The following MAP3K19 variants were observed in gnomAD, a reference collection of about 807,000 sequenced individuals.
The protein encoded by MAP3K19 is SPS1/STE20-related protein kinase YSK4.
MAP3K19 carries 91 observed loss-of-function variants against 114.4 expected under a neutral mutation model. The ratio of observed to expected loss-of-function variants is 0.80; its 90% CI spans 0.67 to 0.95. MAP3K19 has a LOEUF of 0.95. Ranked by LOEUF, MAP3K19 falls within the 40% of genes least tolerant of loss-of-function variation. The pLI, the probability that MAP3K19 is intolerant of heterozygous loss-of-function variation, is 0.00. For missense variants in MAP3K19, 1,471 were observed against 1,573.2 expected (o/e 0.94, Z 1.10); for synonymous variants, 518 against 530.5 (o/e 0.98, Z 0.32).
At chr2:134,977,164 C>T (rs1209940989) in intron 12 of MAP3K19, among the ~76,000 whole-genome samples, 3 of 150,476 alleles carry the variant, frequency 2.0e-5, no homozygotes, top group Non-Finnish European at 4.4e-5. Context: ...CCATTTCTAG[C>T]TACCACCGCT....
At chr2:134,973,017 T>A (rs1447326253) in intron 12 of MAP3K19, among the ~76,000 whole-genome samples, 1 of 152,242 alleles carries the variant, frequency 6.6e-6, no homozygotes, top group Non-Finnish European at 1.5e-5. Flanking sequence ...TTTTGATTTT[T>A]AAAAATTTGT....
intron 5 of MAP3K19, among the ~76,000 whole-genome samples, chr2:135,021,497 C>CAT (rs1446412219): frequency 2.2e-4 from 34 of 151,762 alleles, no homozygotes; most frequent in African/African-American, 7.5e-4. Context: ...CACACACACA[C>CAT]GTGTACACAC....
In MAP3K19 at chr2:134,977,356, A is replaced by ATTTT. The variant is rs774277347; in HGVS notation, c.3920+3461_3920+3464dup. Among the ~76,000 whole-genome samples, 795 of 86,822 alleles carry ATTTT rather than the reference A, an allele frequency of 9.2e-3. 38 individuals carry two copies. The highest frequency in any genetic ancestry group is 0.031 in the African/African-American group (620 of 20,118). 57.0% of individuals were successfully genotyped at this position (86,822 alleles called of 152,430 possible). A position where few individuals can be genotyped will look rare whatever the true frequency, so the allele number is the denominator to read the frequency against. ...ACAACCATGACTTGCTAATTTTTAA[A>ATTTT]TTTTTTTTTTTTTTTTTTTTTTTTG... On this transcript the variant is annotated intron_variant, in intron 12 of 12. Transcript: ENST00000392915.
chr2:134,980,697 A>G, intron 12 of MAP3K19, 124 bp downstream of exon 12: 1 of 824,540 alleles, frequency 1.2e-6, no homozygotes, highest in South Asian at 1.8e-5. Flanking sequence ...TCGGCACAAA[A>G]TCACTGTCTA....
chr2:135,028,595 T>C (rs1193238319), intron 3 of MAP3K19, among the ~76,000 whole-genome samples: 1 of 152,052 alleles, frequency 6.6e-6, no homozygotes, highest in Non-Finnish European at 1.5e-5. Context: ...ACAACTAACT[T>C]ACCTGTATTT....
At chr2:134,984,704 G>A (rs1328132893) in intron 10 of MAP3K19, among the ~76,000 whole-genome samples, 1 of 152,178 alleles carries the variant, frequency 6.6e-6, no homozygotes, top group African/African-American at 2.4e-5. Flanking sequence ...TGTAATCCCA[G>A]CACTTTGGGA....
intron 6 of MAP3K19, among the ~76,000 whole-genome samples, chr2:135,001,890 T>C (rs1462454789): frequency 6.6e-6 from 1 of 152,216 alleles, no homozygotes; most frequent in African/African-American, 2.4e-5. Context: ...ATGTAAGAAA[T>C]ACCTGCCTTT....
At chr2:134,968,953 C>T (rs1283072711) in intron 12 of MAP3K19, among the ~76,000 whole-genome samples, 3 of 152,188 alleles carry the variant, frequency 2.0e-5, no homozygotes, top group Admixed American at 1.3e-4. Context: ...GGGGTGGCGG[C>T]CGGGCAGAGG....
chr2:134,968,808 C>T (rs1025094730), intron 12 of MAP3K19, among the ~76,000 whole-genome samples: 5 of 151,266 alleles, frequency 3.3e-5, no homozygotes, highest in African/African-American at 9.7e-5. Context: ...TGGGAAGAGG[C>T]GCTCCTCACT....
intron 1 of MAP3K19, 188 bp from the exon 2 acceptor site, chr2:135,040,690 A>G (rs1688628372): frequency 6.6e-6 from 1 of 152,214 alleles, no homozygotes; most frequent in Non-Finnish European, 1.5e-5. Context: ...TTTAAAGACA[A>G]TTTTGAAAAT....
At chr2:134,989,737 G>A (rs1463927985) in intron 9 of MAP3K19, among the ~76,000 whole-genome samples, 1 of 152,034 alleles carries the variant, frequency 6.6e-6, no homozygotes, top group Non-Finnish European at 1.5e-5. Flanking sequence ...TCCACCACTG[G>A]GGGAAAGAAA....
intron 9 of MAP3K19, among the ~76,000 whole-genome samples, chr2:134,988,770 G>A (rs897146349): frequency 2.6e-5 from 4 of 151,930 alleles, no homozygotes; most frequent in Non-Finnish European, 5.9e-5. Context: ...TTAAAACCAG[G>A]ATTATTATAG....
At chr2:135,019,447 T>C (rs1249548221) in intron 5 of MAP3K19, among the ~76,000 whole-genome samples, 3 of 152,140 alleles carry the variant, frequency 2.0e-5, no homozygotes, top group African/African-American at 4.8e-5. Context: ...CCCACTACTT[T>C]AGGAGGCCGA....
At chr2:135,043,947 C>G (rs561237247) in intron 1 of MAP3K19, among the ~76,000 whole-genome samples, 2 of 152,184 alleles carry the variant, frequency 1.3e-5, no homozygotes, top group African/African-American at 2.4e-5. Context: ...CCTGTTACTC[C>G]TTTTGATTTA....
chr2:134,979,688 G>A (rs951972002), intron 12 of MAP3K19, among the ~76,000 whole-genome samples: 1 of 140,698 alleles, frequency 7.1e-6, no homozygotes, highest in Admixed American at 7.7e-5. Context: ...TCAGTGACTG[G>A]GGCTCTGTCC....
At chr2:134,980,161 G>A (rs747048241) in intron 12 of MAP3K19, among the ~76,000 whole-genome samples, 19 of 152,048 alleles carry the variant, frequency 1.2e-4, no homozygotes, top group African/African-American at 2.9e-4. Context: ...ACTCTTCCCC[G>A]CCCCATGGAT....
At chr2:135,042,195 G>C (rs1240707392) in intron 1 of MAP3K19, among the ~76,000 whole-genome samples, 1 of 152,196 alleles carries the variant, frequency 6.6e-6, no homozygotes, top group Non-Finnish European at 1.5e-5. Flanking sequence ...ATGTGATCTG[G>C]AAGATCCCCT....
intron 12 of MAP3K19, among the ~76,000 whole-genome samples, chr2:134,971,175 C>G (rs1374900002): frequency 6.6e-6 from 1 of 152,098 alleles, no homozygotes. Flanking sequence ...TTGAGATGGT[C>G]ATATTGTTTT....
intron 12 of MAP3K19, among the ~76,000 whole-genome samples, chr2:134,968,593 C>A (rs1398873395): frequency 7.5e-6 from 1 of 132,520 alleles, no homozygotes; most frequent in African/African-American, 2.9e-5. Flanking sequence ...ACTTCTCAGA[C>A]GGGGCGGTTG....
Sources: allele counts gnomAD v4.1 joint callset (sites outside exome capture counted in the v4.1 genomes callset), GRCh38; gene constraint gnomAD v4.1.1; transcripts MANE v1.5; gene names NCBI Gene and HGNC (gene_info 2026-07-23, HGNC 2026-07-21).